Variants in SQLE observed in about 807,000 individuals in gnomAD.
SQLE encodes squalene epoxidase.
Under a neutral mutation model 60.7 loss-of-function variants are expected in SQLE, and 29 were observed. That is an observed-to-expected ratio of 0.48 (90% CI 0.36 to 0.65). The LOEUF (loss-of-function observed/expected upper bound fraction) is 0.65. SQLE is among the 30% of genes least tolerant of loss of function. The pLI is 0.00. For missense variants in SQLE, 605 were observed against 684.1 expected (o/e 0.88, Z 1.29); for synonymous variants, 237 against 246.8 (o/e 0.96, Z 0.37).
rs564335270 is a variant in SQLE at position 125,015,864 on chromosome 8, T to G, written c.1205-2195T>G. Reference sequence around the variant, plus strand: ...CTTCATGTTTGAAGGATATTTTCACTGGATATACTATTGTAGCATAAAAGT... The same window carrying G: ...CTTCATGTTTGAAGGATATTTTCACGGGATATACTATTGTAGCATAAAAGT... On this transcript the variant is annotated intron_variant, in intron 7 of 10. Transcript: ENST00000265896. 8.5e-5 allele frequency among the ~76,000 whole-genome samples: 13 copies of G among 152,340 alleles called. No homozygotes were observed. The South Asian group carries it at 2.7e-3, about 32-fold the overall frequency.
chr8:125,022,008 G>A lies in SQLE; in HGVS notation c.*63G>A. ...CTTACCAAGTCCTAAGAGACTTTTG[G>A]AAGAGGATATATATAGCATAGTACC... On this transcript the variant is annotated 3_prime_UTR_variant, in exon 11 of 11. Coordinates refer to ENST00000265896, the MANE Select transcript of SQLE (RefSeq NM_003129.4). The A allele has an allele frequency of 1.5e-6, 2 of 1,314,572 alleles. No homozygotes were observed. The highest frequency in any genetic ancestry group is 2.1e-6 in the Non-Finnish European group (2 of 958,526). The allele number at this position is 1,314,572 out of a possible 1,614,324, so 81.4% of individuals were successfully genotyped here.
Position 124,999,111 on chromosome 8 carries a change from A to C in SQLE, c.-293A>C. Reference sequence around the variant, plus strand: ...CACCATCAAAAAAGAAAAAAAGGGAATATCTGGATTTCCTGGGCGAGGAGG... The same window carrying C: ...CACCATCAAAAAAGAAAAAAAGGGACTATCTGGATTTCCTGGGCGAGGAGG... On this transcript the variant is annotated 5_prime_UTR_variant, in exon 1 of 11. Transcript: ENST00000265896. The C allele has an allele frequency of 1.2e-5, 4 of 337,886 alleles. No individual in the cohort carries two copies. Among genetic ancestry groups the C allele is most frequent in the African/African-American group, 2.1e-5 (1 of 47,642 alleles). 20.9% of individuals were successfully genotyped at this position (337,886 alleles called of 1,614,324 possible).
rs868459450 is a variant in SQLE at position 125,007,434 on chromosome 8, G to T, written c.769G>T (p.Asp257Tyr). 1.3e-6 allele frequency: 2 copies of T among 1,557,210 alleles called. No homozygotes were observed. The highest frequency in any genetic ancestry group is 1.2e-5 in the South Asian group (1 of 84,124). Residue 257 changes from aspartate to tyrosine, a missense_variant, in exon 4 of 11, where the codon GAT (aspartate) becomes TAT (tyrosine). Transcript: ENST00000265896. Reference protein sequence around the residue: ...EGVVLQLLEEDDVVMGVQYKD... With the variant: ...EGVVLQLLEEYDVVMGVQYKD... ...TGTTGTGTTACAGTTATTAGAGGAAGATGATGTTGTGATGGGAGTTCAGTA... is the reference window on the plus strand; with the variant it reads ...TGTTGTGTTACAGTTATTAGAGGAATATGATGTTGTGATGGGAGTTCAGTA...
Position 125,018,687 on chromosome 8 carries a change from C to T in SQLE, c.1404C>T (p.Ile468=), listed in dbSNP as rs202127945. The T allele has an allele frequency of 5.9e-5, 94 of 1,606,722 alleles. No individual in the cohort carries two copies. The highest frequency in any genetic ancestry group is 7.5e-5 in the Non-Finnish European group (88 of 1,178,138). ...RKTSHSFVVN[I]LAQALYELFS... Reference sequence around the variant, plus strand: ...CATCTCATTCCTTTGTCGTGAATATCCTTGCTCAGGCTCTTTATGAATTAT... The same window carrying T: ...CATCTCATTCCTTTGTCGTGAATATTCTTGCTCAGGCTCTTTATGAATTAT... The change falls in exon 9 of 11, where the codon ATC becomes ATT. Residue 468 remains isoleucine (I), a synonymous_variant. Transcript: ENST00000265896.
chr8:125,015,500 T>C (rs139609992), intron 7 of SQLE, among the ~76,000 whole-genome samples: 1 of 152,338 alleles, frequency 6.6e-6, no homozygotes, highest in East Asian at 1.9e-4. Context: ...TTTTCTCTGG[T>C]AGTATGTTTT....
chr8:125,005,671 A>G lies in SQLE; in HGVS notation c.691A>G (p.Met231Val), dbSNP rs1407211049. Residue 231 changes from methionine (M) to valine (V), a missense_variant, in exon 3 of 11, where the codon ATG (methionine) becomes GTG (valine). Coordinates refer to ENST00000265896, the MANE Select transcript of SQLE (RefSeq NM_003129.4). ...GRAFHHGRFI[M>V]SLRKAAMAEP... ...AGCTTTCCATCACGGAAGATTCATCATGAGTCTCCGGAAAGCAGCTATGGC... is the reference window on the plus strand; with the variant it reads ...AGCTTTCCATCACGGAAGATTCATCGTGAGTCTCCGGAAAGCAGCTATGGC... 7 of 1,604,866 alleles carry G rather than the reference A, an allele frequency of 4.4e-6. No individual in the cohort carries two copies. Among genetic ancestry groups the G allele is most frequent in the East Asian group, 2.2e-5 (1 of 44,648 alleles).
At chr8:125,007,084 A>G (rs1814964668) in intron 3 of SQLE, among the ~76,000 whole-genome samples, 1 of 152,228 alleles carries the variant, frequency 6.6e-6, no homozygotes. Flanking sequence ...GAGGGTATGT[A>G]AAGTTTCTCT....
At position 125,009,150 on chromosome 8, in the gene SQLE, ATT is replaced by A; in HGVS notation, c.937-19_937-18del. On this transcript the variant is annotated intron_variant, in intron 5 of 10. Coordinates refer to ENST00000265896, the MANE Select transcript of SQLE (RefSeq NM_003129.4). ...CTTGAAATTTGAAAATTATTAAAAC[ATT>A]TTCTTTTTATTTGTTTTAGAATGCA... 6.3e-7 allele frequency: 1 copy of A among 1,575,032 alleles called. No homozygotes were observed.
At chr8:125,009,793 CAA>C (rs924370701) in intron 6 of SQLE, among the ~76,000 whole-genome samples, 11 of 115,260 alleles carry the variant, frequency 9.5e-5, no homozygotes, top group Admixed American at 8.8e-5. Context: ...AACTCCGTCT[CAA>C]AAAAAAAAAA....
At chr8:125,015,900 C>T (rs1283128641) in intron 7 of SQLE, among the ~76,000 whole-genome samples, 4 of 148,502 alleles carry the variant, frequency 2.7e-5, no homozygotes, top group South Asian at 2.2e-4. Context: ...TCTTTTCCTT[C>T]AGCACTTTCA....
rs762860263 is a variant in SQLE, at chr8:125,020,888, C to T, written c.1532+17C>T. The T allele has an allele frequency of 1.3e-6, 2 of 1,587,804 alleles. No homozygotes were observed. Among genetic ancestry groups the T allele is most frequent in the Admixed American group, 1.7e-5 (1 of 59,814 alleles). On this transcript the variant is annotated intron_variant, in intron 10 of 10. Coordinates refer to ENST00000265896, the MANE Select transcript of SQLE (RefSeq NM_003129.4). ...GCTTTCTGTGTAAGTTGTGATGGCA[C>T]AGAGGATACAAACCTGCCAGATTTT...
rs1416365165 is a variant in SQLE, at chr8:125,016,111, G to T, written c.1205-1948G>T. 4.6e-5 allele frequency among the ~76,000 whole-genome samples: 7 copies of T among 152,070 alleles called. No homozygotes were observed. The highest frequency in any genetic ancestry group is 3.9e-4 in the Admixed American group (6 of 15,272). On this transcript the variant is annotated intron_variant, in intron 7 of 10. Transcript: ENST00000265896. The surrounding 1 kb of genome is among the most constrained non-coding windows in gnomAD (Gnocchi z 4.1). ...AATCAATCACCAATCCTTGCTTGGTGTTCTGTAGCTTTCTTGTGCTTGAAT... is the reference window on the plus strand; with the variant it reads ...AATCAATCACCAATCCTTGCTTGGTTTTCTGTAGCTTTCTTGTGCTTGAAT...
intron 7 of SQLE, among the ~76,000 whole-genome samples, chr8:125,015,814 T>C (rs181189626): frequency 6.8e-4 from 103 of 152,342 alleles, no homozygotes; most frequent in African/African-American, 2.1e-3. Flanking sequence ...CGGCTTTTGT[T>C]TGTCTGGGAA....
intron 1 of SQLE, among the ~76,000 whole-genome samples, chr8:125,002,274 A>G (rs75731784): frequency 0.029 from 4,468 of 152,336 alleles, 233 homozygotes; most frequent in African/African-American, 0.1. Flanking sequence ...ATCTTCAATT[A>G]ATAGATTGGT....
At chr8:125,005,774 T>G in intron 3 of SQLE, 69 bp downstream of exon 3, 3 of 1,278,654 alleles carry the variant, frequency 2.3e-6, no homozygotes, top group Non-Finnish European at 3.1e-6. Context: ...TTTGTACAAA[T>G]AAGATTTTAT....
chr8:125,012,271 A>G (rs1268994964), intron 7 of SQLE, among the ~76,000 whole-genome samples: 1 of 152,220 alleles, frequency 6.6e-6, no homozygotes, highest in African/African-American at 2.4e-5. Flanking sequence ...TTATTGATAT[A>G]TAATTCACAA....
chr8:125,003,062 A>G (rs1814883123), intron 1 of SQLE, 114 bp from the exon 2 acceptor site: 5 of 898,348 alleles, frequency 5.6e-6, no homozygotes, highest in Non-Finnish European at 7.8e-6. Flanking sequence ...GTTTGATAAT[A>G]TTTAGTATCT....
intron 7 of SQLE, among the ~76,000 whole-genome samples, chr8:125,013,764 G>C (rs1249044084): frequency 6.6e-6 from 1 of 152,144 alleles, no homozygotes; most frequent in African/African-American, 2.4e-5. Context: ...GGTCCAGCTT[G>C]ATTTGTTTGT....
intron 2 of SQLE, among the ~76,000 whole-genome samples, chr8:125,004,143 T>A (rs547599774): frequency 4.6e-5 from 7 of 152,298 alleles, no homozygotes; most frequent in African/African-American, 1.4e-4. Context: ...AGAGTCCACT[T>A]TTTCACTTGA....
Sources: allele counts gnomAD v4.1 joint callset (sites outside exome capture counted in the v4.1 genomes callset), GRCh38; gene constraint gnomAD v4.1.1; non-coding constraint Gnocchi (gnomAD v3.1); transcripts MANE v1.5; gene names NCBI Gene and HGNC (gene_info 2026-07-23, HGNC 2026-07-21).